The following PPIC variants were observed in gnomAD, a reference collection of about 807,000 sequenced individuals.
The protein encoded by PPIC is peptidylprolyl isomerase C.
A neutral mutation model predicts 19.5 loss-of-function variants in PPIC; 19 were observed. That is an observed-to-expected ratio of 0.98 (90% CI 0.68 to 1.43). PPIC has a LOEUF of 1.43. Among genes scored for constraint, PPIC ranks in the 40% most tolerant of loss-of-function variants. PPIC has a pLI of 0.00. For synonymous variants in PPIC, 107 were observed against 101.2 expected (o/e 1.06, Z -0.34); for missense variants, 268 against 268.6 (o/e 1.00, Z 0.02).
At chr5:123,024,724 G>A (rs1463784266) in intron 4 of PPIC, among the ~76,000 whole-genome samples, 1 of 152,206 alleles carries the variant, frequency 6.6e-6, no homozygotes, top group African/African-American at 2.4e-5. Flanking sequence ...CAGAAAAACA[G>A]GTAGTTGTGA....
At chr5:123,024,463 G>T (rs6862366) in intron 4 of PPIC, among the ~76,000 whole-genome samples, 3 of 152,008 alleles carry the variant, frequency 2.0e-5, no homozygotes, top group Non-Finnish European at 4.4e-5. Context: ...CTAGTTCTAG[G>T]TTTGTCCATT....
chr5:123,023,729 T>G lies in PPIC; in HGVS notation c.*146A>C, dbSNP rs1373856169. 2 of 1,265,478 alleles carry G rather than the reference T, an allele frequency of 1.6e-6. No homozygotes were observed. Among genetic ancestry groups the G allele is most frequent in the Admixed American group, 6.6e-5 (2 of 30,518 alleles). The allele number at this position is 1,265,478 out of a possible 1,614,324, so 78.4% of individuals were successfully genotyped here. A position where few individuals can be genotyped will look rare whatever the true frequency, so the allele number is the denominator to read the frequency against. ...CAAACTAAAGGGTGACGGTTTGATT[T>G]TTATAACTTTCCTGTGATCTGGGAT... On this transcript the variant is annotated 3_prime_UTR_variant, in exon 5 of 5. Coordinates refer to ENST00000306442, the MANE Select transcript of PPIC (RefSeq NM_000943.5).
chr5:123,025,219 A>G (rs1762834124), intron 4 of PPIC, among the ~76,000 whole-genome samples: 1 of 152,174 alleles, frequency 6.6e-6, no homozygotes, highest in Non-Finnish European at 1.5e-5. Flanking sequence ...AGTGGTGTTG[A>G]GTATATTTAC....
In PPIC at chr5:123,023,820, A is replaced by G; in HGVS notation, c.*55T>C. 1 of 1,595,510 alleles carries G rather than the reference A, an allele frequency of 6.3e-7. No homozygotes were observed. The highest frequency in any genetic ancestry group is 1.1e-5 in the South Asian group (1 of 88,288). On this transcript the variant is annotated 3_prime_UTR_variant, in exon 5 of 5. Coordinates refer to ENST00000306442, the MANE Select transcript of PPIC (RefSeq NM_000943.5). Reference sequence around the variant, plus strand: ...GAAAGACAACACAACACACACACACACACACACACACACACACCCCTGCCA... The same window carrying G: ...GAAAGACAACACAACACACACACACGCACACACACACACACACCCCTGCCA...
chr5:123,035,920 C>G (rs45552538), intron 1 of PPIC, among the ~76,000 whole-genome samples: 1 of 152,100 alleles, frequency 6.6e-6, no homozygotes, highest in South Asian at 2.1e-4. Flanking sequence ...GCCGCCCGCC[C>G]GCCGAAGTTG....
In PPIC at chr5:123,025,917, T is replaced by A. The variant is rs200755681; in HGVS notation, c.377A>T (p.His126Leu). 4 of 1,611,782 alleles carry A rather than the reference T, an allele frequency of 2.5e-6. No individual in the cohort carries two copies. Among genetic ancestry groups the A allele is most frequent in the Non-Finnish European group, 2.5e-6 (3 of 1,179,420 alleles). The change falls in exon 4 of 5, where the codon CAC (histidine) becomes CTC (leucine). Residue 126 changes from histidine (H) to leucine (L), a missense_variant. Transcript: ENST00000306442. ...CATGCTGACCCACCCAATGCCATAG[T>A]GCTTCAGCTTGAAGTTCTCATCTGG... ...TFPDENFKLKHYGIGWVSMAN... is the reference protein window; with the variant it reads ...TFPDENFKLKLYGIGWVSMAN...
At chr5:123,025,703 AT>A in intron 4 of PPIC, 80 bp downstream of exon 4, 1 of 1,418,404 alleles carries the variant, frequency 7.1e-7, no homozygotes, top group Non-Finnish European at 9.7e-7. Context: ...TAACAAGCAT[AT>A]TTTAAGATTA....
chr5:123,029,175 G>A, intron 2 of PPIC, 130 bp downstream of exon 2: 3 of 1,518,370 alleles, frequency 2.0e-6, no homozygotes, highest in Non-Finnish European at 1.8e-6. Context: ...ATATTTAATT[G>A]GAAAATAAAG....
chr5:123,031,624 T>C (rs528068952), intron 1 of PPIC, among the ~76,000 whole-genome samples: 1 of 152,218 alleles, frequency 6.6e-6, no homozygotes, highest in South Asian at 2.1e-4. Flanking sequence ...ATGAGTTTTG[T>C]TAGGCAAAAG....
chr5:123,034,248 T>C (rs1418238333), intron 1 of PPIC, among the ~76,000 whole-genome samples: 1 of 152,208 alleles, frequency 6.6e-6, no homozygotes, highest in Non-Finnish European at 1.5e-5. Flanking sequence ...GAAAAAGTAA[T>C]TTAACAGAGC....
At position 123,036,244 on chromosome 5, in the gene PPIC, G is replaced by A. The variant is rs1399291347; in HGVS notation, c.117+265C>T. The A allele has an allele frequency of 3.9e-6, 2 of 510,394 alleles. No homozygotes were observed. The highest frequency in any genetic ancestry group is 4.1e-5 in the African/African-American group (2 of 49,010). The allele number at this position is 510,394 out of a possible 1,614,324, so 31.6% of individuals were successfully genotyped here. A position where few individuals can be genotyped will look rare whatever the true frequency, so the allele number is the denominator to read the frequency against. On this transcript the variant is annotated intron_variant, in intron 1 of 4. Transcript: ENST00000306442. The surrounding 1 kb of genome is among the most constrained non-coding windows in gnomAD (Gnocchi z 4.5). ...CTCCTACCCCCAGGCTGGTCACCTC[G>A]GACTACCGACCCGGGACAAGAAGTC...
At chr5:123,032,353 G>C (rs1762954902) in intron 1 of PPIC, among the ~76,000 whole-genome samples, 1 of 152,170 alleles carries the variant, frequency 6.6e-6, no homozygotes, top group Admixed American at 6.5e-5. Context: ...TTTCAAGGCT[G>C]CCTCTAGCTA....
rs1202781656 is a variant in PPIC at position 123,023,944 on chromosome 5, G to T, written c.570C>A (p.Asn190Lys). The change falls in exon 5 of 5, where the codon AAC (asparagine) becomes AAA (lysine). Residue 190 changes from asparagine to lysine, a missense_variant. By Grantham distance (94) the Asn-to-Lys change is moderately conservative. Coordinates refer to ENST00000306442, the MANE Select transcript of PPIC (RefSeq NM_000943.5). ...ATDGHDRPLT[N>K]CSIINSGKID... ...TCTTGCCACTGTTGATGATCGAGCA[G>T]TTGGTGAGTGGACGGTCATGCCCAT... The T allele has an allele frequency of 8.1e-6, 13 of 1,614,100 alleles. No individual in the cohort carries two copies. Among genetic ancestry groups the T allele is most frequent in the Non-Finnish European group, 1.0e-5 (12 of 1,180,020 alleles).
chr5:123,023,978 TG>T lies in PPIC; in HGVS notation c.535del (p.Gln179LysfsTer21). Reference protein sequence around the residue: ...GMTVVHSIELQATDGHDRPLT... With the variant: ...GMTVVHSIELXATDGHDRPLT... Reference sequence around the variant, plus strand: ...TGGACGGTCATGCCCATCAGTTGCTTGGAGCTCTATGGAGTGCACCACTGTC... The same window carrying T: ...TGGACGGTCATGCCCATCAGTTGCTTGAGCTCTATGGAGTGCACCACTGTC... On this transcript the variant is annotated frameshift_variant, in exon 5 of 5. Coordinates refer to ENST00000306442, the MANE Select transcript of PPIC (RefSeq NM_000943.5). LOFTEE classifies it high-confidence loss of function. 6.2e-7 allele frequency: 1 copy of T among 1,613,664 alleles called. No homozygotes were observed. Among genetic ancestry groups the T allele is most frequent in the Non-Finnish European group, 8.5e-7 (1 of 1,179,740 alleles).
intron 1 of PPIC, among the ~76,000 whole-genome samples, chr5:123,030,508 G>T (rs1266252127): frequency 6.6e-6 from 1 of 152,206 alleles, no homozygotes; most frequent in Non-Finnish European, 1.5e-5. Context: ...AGTAAGTAAA[G>T]ACTGTCAAGC....
At chr5:123,031,442 C>T (rs1762939861) in intron 1 of PPIC, among the ~76,000 whole-genome samples, 1 of 152,266 alleles carries the variant, frequency 6.6e-6, no homozygotes, top group South Asian at 2.1e-4. Context: ...GGGGGTGAGC[C>T]TTGCCTGGCA....
Position 123,036,585 on chromosome 5 carries a change from C to G in PPIC, c.41G>C (p.Cys14Ser). 6.3e-7 allele frequency: 1 copy of G among 1,598,688 alleles called. No homozygotes were observed. The highest frequency in any genetic ancestry group is 1.1e-5 in the South Asian group (1 of 88,582). Residue 14 changes from cysteine (C) to serine (S), a missense_variant, in exon 1 of 5, where the codon TGC (cysteine) becomes TCC (serine). Coordinates refer to ENST00000306442, the MANE Select transcript of PPIC (RefSeq NM_000943.5). This position sits in a 1 kb window ranked among gnomAD's most constrained non-coding sequence, Gnocchi z 4.5. ...GPRLLLPLVLCVGLGALVFSS... is the reference protein window; with the variant it reads ...GPRLLLPLVLSVGLGALVFSS... ...AAACACAAGTGCGCCGAGCCCCACG[C>G]AAAGCACGAGAGGTAGCAGCAGCCG...
intron 1 of PPIC, among the ~76,000 whole-genome samples, chr5:123,030,378 G>C (rs1015834378): frequency 6.6e-6 from 1 of 152,126 alleles, no homozygotes; most frequent in South Asian, 2.1e-4. Flanking sequence ...CTATTAGCGC[G>C]TTTAGATTAT....
At chr5:123,028,925 C>G in intron 2 of PPIC, 57 bp from the exon 3 acceptor site, 1 of 1,397,640 alleles carries the variant, frequency 7.2e-7, no homozygotes, top group Non-Finnish European at 1.0e-6. Flanking sequence ...GAAAGATAAA[C>G]TCAGTGTTGA....
Sources: allele counts gnomAD v4.1 joint callset (sites outside exome capture counted in the v4.1 genomes callset), GRCh38; gene constraint gnomAD v4.1.1; non-coding constraint Gnocchi (gnomAD v3.1); transcripts MANE v1.5; gene names NCBI Gene and HGNC (gene_info 2026-07-23, HGNC 2026-07-21).